Variants in PCF11 observed in about 807,000 individuals in gnomAD.
The protein encoded by PCF11 is pre-mRNA cleavage complex 2 protein Pcf11.
A neutral mutation model predicts 166.1 loss-of-function variants in PCF11; 19 were observed. The ratio of observed to expected loss-of-function variants is 0.11; its 90% CI spans 0.08 to 0.17. PCF11 has a LOEUF of 0.17. Ranked by LOEUF, PCF11 falls within the 10% of genes least tolerant of loss-of-function variation. The pLI is 1.00. For synonymous variants in PCF11, 663 were observed against 644.1 expected, an observed-to-expected ratio of 1.03 and a Z score of -0.44; for missense variants, 1,565 against 1,855.5, an observed-to-expected ratio of 0.84 and a Z score of 2.88.
At chr11:83,163,846 T>C in exon 3 of PCF11, 1 of 1,528,336 alleles carries the variant, frequency 6.5e-7, no homozygotes, top group Non-Finnish European at 8.8e-7. Flanking sequence ...TCCATGTGAA[T>C]CCTAAATTTT....
chr11:83,169,582 G>T, exon 8 of PCF11: 1 of 1,613,984 alleles, frequency 6.2e-7, no homozygotes, highest in Non-Finnish European at 8.5e-7. Flanking sequence ...TGGACAGCAG[G>T]TTCAACCCAG....
chr11:83,170,358 C>T (rs1480231475), intron 8 of PCF11, among the ~76,000 whole-genome samples: 1 of 152,132 alleles, frequency 6.6e-6, no homozygotes, highest in Non-Finnish European at 1.5e-5. Flanking sequence ...TTAAGGTAGC[C>T]ATAGAATTGA....
exon 5 of PCF11, chr11:83,166,467 T>C: frequency 1.2e-6 from 2 of 1,613,960 alleles, no homozygotes; most frequent in South Asian, 2.2e-5. Flanking sequence ...GATTCGCCAA[T>C]CTGGAGCTAA....
chr11:83,163,847 C>A, exon 3 of PCF11: 1 of 1,523,960 alleles, frequency 6.6e-7, no homozygotes, highest in Non-Finnish European at 8.8e-7. Flanking sequence ...CCATGTGAAT[C>A]CTAAATTTTT....
At position 83,178,304 on chromosome 11, in the gene PCF11, G is replaced by A. The variant is rs1458843667; in HGVS notation, c.3983+485G>A. Reference sequence around the variant, plus strand: ...CAAAGTGCTGGGATTACAGGTGTGAGCCACCACACCTGGTCCCTCAAAATT... The same window carrying A: ...CAAAGTGCTGGGATTACAGGTGTGAACCACCACACCTGGTCCCTCAAAATT... On this transcript the variant is annotated intron_variant, in intron 11 of 15. Transcript: ENST00000298281. Among the ~76,000 whole-genome samples the A allele has an allele frequency of 2.6e-5, 4 of 152,088 alleles. No homozygotes were observed. The East Asian group carries it at 7.8e-4, about 29-fold the overall frequency.
exon 8 of PCF11, chr11:83,169,658 C>T: frequency 6.2e-7 from 1 of 1,613,956 alleles, no homozygotes; most frequent in Non-Finnish European, 8.5e-7. Context: ...TTTGATATTC[C>T]TCTTGGTCTT....
chr11:83,164,225 C>T (rs1860365830), exon 4 of PCF11: 3 of 1,612,354 alleles, frequency 1.9e-6, no homozygotes, highest in Admixed American at 1.7e-5. Context: ...GCCTTCAACA[C>T]CTGGTACAGT....
At chr11:83,170,642 A>G (rs910924290) in intron 8 of PCF11, among the ~76,000 whole-genome samples, 1 of 152,208 alleles carries the variant, frequency 6.6e-6, no homozygotes, top group African/African-American at 2.4e-5. Flanking sequence ...GCATACTGAG[A>G]CAACTTTAAG....
intron 1 of PCF11, chr11:83,158,015 C>T (rs1387149151): frequency 5.8e-6 from 1 of 173,176 alleles, no homozygotes; most frequent in African/African-American, 2.4e-5. Flanking sequence ...GTGGGTCTCC[C>T]ATTTTCCCCA....
intron 8 of PCF11, 123 bp downstream of exon 8, chr11:83,170,118 A>G (rs1243954044): frequency 5.1e-6 from 4 of 781,798 alleles, no homozygotes; most frequent in Non-Finnish European, 7.7e-6. Context: ...AATGTACTCT[A>G]AAGCCACATG....
At chr11:83,159,035 A>G (rs912671217) in intron 1 of PCF11, among the ~76,000 whole-genome samples, 1 of 152,196 alleles carries the variant, frequency 6.6e-6, no homozygotes, top group Non-Finnish European at 1.5e-5. Flanking sequence ...CCTCTTCACA[A>G]GATACACGGT....
At chr11:83,169,277 G>A in exon 8 of PCF11, 1 of 1,611,966 alleles carries the variant, frequency 6.2e-7, no homozygotes, top group Non-Finnish European at 8.5e-7. Flanking sequence ...GGGAACCTTA[G>A]GTTTGAGGGT....
At chr11:83,162,885 C>T (rs540275373) in intron 2 of PCF11, among the ~76,000 whole-genome samples, 2 of 152,196 alleles carry the variant, frequency 1.3e-5, no homozygotes, top group South Asian at 2.1e-4. Context: ...AGTGATTCTC[C>T]TGCCTCAGCC....
At position 83,184,994 on chromosome 11, in the gene PCF11, TTGTC is replaced by T. The variant is rs1468655047; in HGVS notation, c.*103_*106del. The T allele has an allele frequency of 1.8e-5, 13 of 735,788 alleles. No homozygotes were observed. In the South Asian group the frequency reaches 1.8e-4, roughly 10 times the overall value. The allele number at this position is 735,788 out of a possible 1,614,324, so 45.6% of individuals were successfully genotyped here. A position where few individuals can be genotyped will look rare whatever the true frequency, so the allele number is the denominator to read the frequency against. ...GTATATATAGACATATCTATATAAA[TTGTC>T]TGGCTGAGGCAGGGCCTTCAGCTAT... is the stretch of plus-strand genomic sequence containing the variant. On this transcript the variant is annotated 3_prime_UTR_variant, in exon 16 of 16. Transcript: ENST00000298281.
At chr11:83,159,114 A>G (rs11233494) in intron 1 of PCF11, among the ~76,000 whole-genome samples, 17,826 of 152,064 alleles carry the variant, frequency 0.12, 1,398 homozygotes, top group African/African-American at 0.22. Context: ...CCTTTTAAGG[A>G]CCTCAACAAG....
chr11:83,172,378 T>A (rs945302503), intron 9 of PCF11, among the ~76,000 whole-genome samples: 2 of 152,190 alleles, frequency 1.3e-5, no homozygotes, highest in Admixed American at 6.5e-5. Flanking sequence ...TATGGGGTGA[T>A]GCTTAGTACT....
exon 1 of PCF11, chr11:83,157,408 T>C: frequency 1.9e-6 from 3 of 1,594,234 alleles, no homozygotes; most frequent in Non-Finnish European, 2.6e-6. Flanking sequence ...CAGCTTCAGC[T>C]GCAGCGGACC....
At chr11:83,177,452 T>C (rs1423427988) in intron 10 of PCF11, among the ~76,000 whole-genome samples, 1 of 152,222 alleles carries the variant, frequency 6.6e-6, no homozygotes, top group Non-Finnish European at 1.5e-5. Context: ...CCAGTAATTG[T>C]ATGTTAGATT....
At position 83,167,126 on chromosome 11, in the gene PCF11, T is replaced by C; in HGVS notation, c.1819T>C (p.Leu607=). 1.2e-6 allele frequency: 2 copies of C among 1,609,156 alleles called. No individual in the cohort carries two copies. Among genetic ancestry groups the C allele is most frequent in the Non-Finnish European group, 1.7e-6 (2 of 1,176,994 alleles). Residue 607 remains leucine (L), a splice_region_variant and synonymous_variant, in exon 6 of 16, where the codon TTA becomes CTA. Transcript: ENST00000298281. This position sits in a 1 kb window ranked among gnomAD's most constrained non-coding sequence, Gnocchi z 4.2. ...AACATACTGCTTTTATGGTTTCAGC[T>C]TACAACAGGTTGATGAACATAGTAA... is the stretch of plus-strand genomic sequence containing the variant.
Sources: allele counts gnomAD v4.1 joint callset (sites outside exome capture counted in the v4.1 genomes callset), GRCh38; gene constraint gnomAD v4.1.1; non-coding constraint Gnocchi (gnomAD v3.1); transcripts MANE v1.5; gene names NCBI Gene and HGNC (gene_info 2026-07-23, HGNC 2026-07-21).